The following DNAH5 variants were observed in gnomAD, a reference collection of about 807,000 sequenced individuals.
The protein encoded by DNAH5 is axonemal beta dynein heavy chain 5.
In DNAH5, 372 loss-of-function variants were observed where a neutral mutation model predicts 518.2. The observed-to-expected ratio is 0.72, with a 90% confidence interval of 0.66 to 0.78. The LOEUF (loss-of-function observed/expected upper bound fraction) is 0.78. Ranked by LOEUF, DNAH5 falls within the 30% of genes least tolerant of loss-of-function variation. The probability of loss-of-function intolerance (pLI) is 0.00; values close to 1 mark genes in which losing one functional copy is unlikely to be tolerated. For synonymous variants in DNAH5, 2,039 were observed against 2,025.9 expected (o/e 1.01, Z -0.17); for missense variants, 5,523 against 5,687.0 (o/e 0.97, Z 0.93).
chr5:13,993,560 G>A (rs1415146057), intron 1 of DNAH5, among the ~76,000 whole-genome samples: 1 of 152,208 alleles, frequency 6.6e-6, no homozygotes, highest in Non-Finnish European at 1.5e-5. Flanking sequence ...ATATGTAAGT[G>A]TAATTGCCCT....
At chr5:13,866,390 A>C in intron 25 of DNAH5, 108 bp from the exon 26 acceptor site, 1 of 898,292 alleles carries the variant, frequency 1.1e-6, no homozygotes, top group Non-Finnish European at 1.7e-6. Context: ...ATGATAGGAA[A>C]CTTCATTTTT....
intron 78 of DNAH5, among the ~76,000 whole-genome samples, chr5:13,696,406 T>A (rs1741403869): frequency 6.6e-6 from 1 of 152,236 alleles, no homozygotes; most frequent in Non-Finnish European, 1.5e-5. Flanking sequence ...TTTGAATGAC[T>A]TTCCCGTGAT....
chr5:13,719,935 C>T (rs1428866585), intron 71 of DNAH5, among the ~76,000 whole-genome samples: 1 of 152,220 alleles, frequency 6.6e-6, no homozygotes, highest in East Asian at 1.9e-4. Flanking sequence ...TCGTGTAATG[C>T]AACTCAGGCA....
intron 41 of DNAH5, among the ~76,000 whole-genome samples, chr5:13,818,189 A>G (rs1403480713): frequency 2.0e-5 from 3 of 152,264 alleles, no homozygotes; most frequent in African/African-American, 7.2e-5. Context: ...AATGTATTCA[A>G]GAAATGTATT....
intron 1 of DNAH5, among the ~76,000 whole-genome samples, chr5:14,001,939 G>A (rs10454938): frequency 0.35 from 53,146 of 150,804 alleles, 10,071 homozygotes; most frequent in South Asian, 0.5. Flanking sequence ...TTGCTCTGTC[G>A]CCAGGTGGGA....
At position 13,900,211 on chromosome 5, in the gene DNAH5, T is replaced by C. The variant is rs745899447; in HGVS notation, c.2254A>G (p.Met752Val). 12 of 1,612,840 alleles carry C rather than the reference T, an allele frequency of 7.4e-6. No homozygotes were observed. The highest frequency in any genetic ancestry group is 1.7e-5 in the Admixed American group (1 of 60,000). The change falls in exon 15 of 79, where the codon ATG (methionine) becomes GTG (valine). Residue 752 changes from methionine to valine, a missense_variant. Physicochemically the swap from Met to Val is conservative, Grantham distance 21. Around this residue, in one of 3 missense-constraint regions of DNAH5, gnomAD observed 5,121 missense variants for 5,223.3 expected, o/e 0.98. Coordinates refer to ENST00000265104, the MANE Select transcript of DNAH5 (RefSeq NM_001369.3). ...RDRYKRNFSNMKMMLAEYQRV... is the reference protein window; with the variant it reads ...RDRYKRNFSNVKMMLAEYQRV... ...AAAAAATAAAAGTAGTATACCTTCA[T>C]GTTACTGAAGTTCCTTTTGTATCTA... is the stretch of plus-strand genomic sequence containing the variant.
intron 1 of DNAH5, among the ~76,000 whole-genome samples, chr5:13,961,135 A>C (rs1485986987): frequency 6.6e-6 from 1 of 152,260 alleles, no homozygotes; most frequent in South Asian, 2.1e-4. Context: ...AAGTTTTTCT[A>C]TACCTCCCTC....
At chr5:13,995,012 C>G (rs2662625) in intron 1 of DNAH5, among the ~76,000 whole-genome samples, 15,273 of 152,092 alleles carry the variant, frequency 0.1, 1,677 homozygotes, top group African/African-American at 0.27. Flanking sequence ...ACAGACAGGA[C>G]CTGGGGTGGC....
chr5:13,874,441 A>G (rs1227300641), intron 22 of DNAH5, among the ~76,000 whole-genome samples: 2 of 152,190 alleles, frequency 1.3e-5, no homozygotes, highest in African/African-American at 2.4e-5. Flanking sequence ...CAGTAGGAAA[A>G]TTAGATGAAC....
At chr5:13,970,683 G>A (rs972315869) in intron 1 of DNAH5, among the ~76,000 whole-genome samples, 1 of 152,148 alleles carries the variant, frequency 6.6e-6, no homozygotes. Context: ...TTCCTTTATA[G>A]GTTACCTGAT....
intron 47 of DNAH5, 39 bp downstream of exon 47, chr5:13,807,552 C>T (rs1378232212): frequency 1.2e-6 from 2 of 1,605,438 alleles, no homozygotes; most frequent in East Asian, 4.5e-5. Flanking sequence ...AAGTTTATCA[C>T]AAAATTGGGC....
intron 75 of DNAH5, 102 bp downstream of exon 75, chr5:13,714,303 A>T: frequency 7.8e-7 from 1 of 1,279,380 alleles, no homozygotes; most frequent in South Asian, 1.2e-5. Context: ...ATGTTTTTTA[A>T]TTTCAGGAAA....
Position 13,891,705 on chromosome 5 carries a change from G to T in DNAH5, c.2432-584C>A, listed in dbSNP as rs1773241494. Among the ~76,000 whole-genome samples the T allele has an allele frequency of 2.0e-5, 3 of 151,768 alleles. No homozygotes were observed. In the South Asian group the frequency reaches 6.2e-4, roughly 32 times the overall value. ...TCCTTACATCTTCAATATTTAACCT[G>T]GTGCCTATTCCACAAGAAGTATTCA... On this transcript the variant is annotated intron_variant, in intron 16 of 78. Coordinates refer to ENST00000265104, the MANE Select transcript of DNAH5 (RefSeq NM_001369.3).
At chr5:13,834,609 G>T (rs993937898) in intron 35 of DNAH5, among the ~76,000 whole-genome samples, 6 of 152,212 alleles carry the variant, frequency 3.9e-5, no homozygotes, top group African/African-American at 1.4e-4. Context: ...GGAGATTGCG[G>T]GAGGTCGGGA....
intron 47 of DNAH5, among the ~76,000 whole-genome samples, chr5:13,795,555 T>C (rs1488168099): frequency 1.3e-5 from 2 of 152,166 alleles, no homozygotes; most frequent in Non-Finnish European, 2.9e-5. Flanking sequence ...GAGGCAATAA[T>C]TAATAGCCTA....
rs530227084 is a variant in DNAH5 at position 13,921,601 on chromosome 5, T to G, written c.660+506A>C. On this transcript the variant is annotated intron_variant, in intron 5 of 78. Transcript: ENST00000265104. ...CAGCACAAATCATACAGAAACTAAA[T>G]GTCACCTTTGCCAAAATTATTCTTA... Among the ~76,000 whole-genome samples, 22 of 151,286 alleles carry G rather than the reference T, an allele frequency of 1.5e-4. No homozygotes were observed. In the South Asian group the frequency reaches 1.9e-3, roughly 13 times the overall value.
chr5:13,784,285 T>C (rs1382303561), intron 52 of DNAH5, among the ~76,000 whole-genome samples: 2 of 152,230 alleles, frequency 1.3e-5, no homozygotes, highest in Admixed American at 1.3e-4. Flanking sequence ...TCCTTTTAAT[T>C]ATTAAAAATG....
chr5:13,969,574 T>C (rs1398586665), intron 1 of DNAH5, among the ~76,000 whole-genome samples: 1 of 152,218 alleles, frequency 6.6e-6, no homozygotes, highest in Non-Finnish European at 1.5e-5. Flanking sequence ...CCAATGATCA[T>C]TCAGGAGCAG....
chr5:13,710,142 T>C (rs750857538), intron 75 of DNAH5, among the ~76,000 whole-genome samples: 2 of 152,068 alleles, frequency 1.3e-5, no homozygotes, highest in Admixed American at 1.3e-4. Context: ...ATCACAAGAC[T>C]GTGCAGAAAA....
Sources: allele counts gnomAD v4.1 joint callset (sites outside exome capture counted in the v4.1 genomes callset), GRCh38; gene constraint gnomAD v4.1.1; regional missense constraint gnomAD v4.1.1; transcripts MANE v1.5; gene names NCBI Gene and HGNC (gene_info 2026-07-23, HGNC 2026-07-21).